ABCC4: variants seen among roughly 807,000 people sequenced by gnomAD.
The protein encoded by ABCC4 is ATP binding cassette subfamily C member 4 (PEL blood group).
ABCC4 carries 102 observed loss-of-function variants against 168.5 expected under a neutral mutation model. The observed-to-expected ratio is 0.61, with a 90% confidence interval of 0.52 to 0.71. ABCC4 has a LOEUF of 0.71. ABCC4 is among the 30% of genes least tolerant of loss of function. The pLI is 0.00. For missense variants in ABCC4, 1,402 were observed against 1,605.8 expected, an observed-to-expected ratio of 0.87 and a Z score of 2.17; for synonymous variants, 617 against 590.7, an observed-to-expected ratio of 1.04 and a Z score of -0.65.
chr13:95,120,978 T>C (rs2035551460), intron 19 of ABCC4, among the ~76,000 whole-genome samples: 1 of 152,214 alleles, frequency 6.6e-6, no homozygotes, highest in African/African-American at 2.4e-5. Flanking sequence ...CTGGACATCC[T>C]GTATCACTCA....
chr13:95,206,859 T>C (rs1020591290), intron 7 of ABCC4, 78 bp from the exon 8 acceptor site: 6 of 1,502,584 alleles, frequency 4.0e-6, no homozygotes, highest in African/African-American at 2.8e-5. Context: ...TCTCAGCACT[T>C]TGGGAGCTGA....
chr13:95,232,674 C>T (rs568405413), intron 4 of ABCC4, among the ~76,000 whole-genome samples: 1 of 126,942 alleles, frequency 7.9e-6, no homozygotes, highest in African/African-American at 3.4e-5. Flanking sequence ...AAGACTTCAT[C>T]TCAAAAAAAA....
At chr13:95,108,018 A>C (rs756749837) in intron 20 of ABCC4, among the ~76,000 whole-genome samples, 46 of 152,126 alleles carry the variant, frequency 3.0e-4, no homozygotes, top group Non-Finnish European at 4.9e-4. Context: ...AAAAACAGTC[A>C]CAGTTTCTCT....
At chr13:95,179,639 CAGATCCTA>C (rs1241357674) in intron 11 of ABCC4, among the ~76,000 whole-genome samples, 5 of 152,204 alleles carry the variant, frequency 3.3e-5, no homozygotes, top group African/African-American at 1.2e-4. Context: ...TATCACTAGA[CAGATCCTA>C]GCATAGACAA....
chr13:95,244,468 T>C (rs2040031462), intron 3 of ABCC4, among the ~76,000 whole-genome samples: 1 of 150,638 alleles, frequency 6.6e-6, no homozygotes, highest in South Asian at 2.1e-4. Context: ...CCTGTGGTCC[T>C]AGCTACTTGG....
chr13:95,054,190 C>A (rs946486698), intron 26 of ABCC4, among the ~76,000 whole-genome samples: 1 of 151,928 alleles, frequency 6.6e-6, no homozygotes, highest in East Asian at 1.9e-4. Context: ...GGTCACAGAA[C>A]CTCATTATTA....
intron 4 of ABCC4, among the ~76,000 whole-genome samples, chr13:95,215,486 T>C (rs549794495): frequency 6.6e-6 from 1 of 152,304 alleles, no homozygotes; most frequent in Admixed American, 6.5e-5. Context: ...ATGGTGCATT[T>C]TGGAGACAGA....
intron 3 of ABCC4, among the ~76,000 whole-genome samples, chr13:95,240,327 T>A (rs1264523631): frequency 1.3e-5 from 2 of 152,018 alleles, no homozygotes; most frequent in Non-Finnish European, 2.9e-5. Flanking sequence ...AGGTCAGGAG[T>A]TCGAGACCAG....
chr13:95,043,408 T>A (rs1213230158), intron 29 of ABCC4: 4 of 382,592 alleles, frequency 1.0e-5, no homozygotes, highest in Admixed American at 4.0e-5. Context: ...GTATGACAGT[T>A]AGCATCACAA....
intron 27 of ABCC4, among the ~76,000 whole-genome samples, chr13:95,052,427 A>T (rs1376382184): frequency 6.6e-6 from 1 of 152,252 alleles, no homozygotes; most frequent in African/African-American, 2.4e-5. Flanking sequence ...AAATACACAA[A>T]CCAACAGCAC....
chr13:95,031,524 G>A (rs1483431431), intron 30 of ABCC4, among the ~76,000 whole-genome samples: 1 of 152,168 alleles, frequency 6.6e-6, no homozygotes, highest in African/African-American at 2.4e-5. Flanking sequence ...AGACTGCTGT[G>A]AGGATTAAGT....
intron 1 of ABCC4, among the ~76,000 whole-genome samples, chr13:95,287,415 C>T (rs1449027310): frequency 5.3e-5 from 8 of 151,906 alleles, no homozygotes; most frequent in Non-Finnish European, 8.8e-5. Flanking sequence ...GGTGAAACCC[C>T]GTCTCTACTA....
intron 8 of ABCC4, among the ~76,000 whole-genome samples, chr13:95,196,647 A>AG (rs1441567422): frequency 2.0e-3 from 53 of 26,770 alleles, no homozygotes; most frequent in South Asian, 2.9e-3. Flanking sequence ...GAAGGAAGGA[A>AG]GGAAGGAAGG....
intron 1 of ABCC4, among the ~76,000 whole-genome samples, chr13:95,281,301 A>C (rs960009448): frequency 5.3e-4 from 2 of 3,752 alleles, no homozygotes; most frequent in African/African-American, 1.8e-3. Context: ...GACTCTCTCA[A>C]AAAAAAAAAA....
chr13:95,023,624 T>C (rs2031221092), intron 30 of ABCC4, among the ~76,000 whole-genome samples: 1 of 152,216 alleles, frequency 6.6e-6, no homozygotes, highest in Non-Finnish European at 1.5e-5. Context: ...AACTGATTAA[T>C]GGCTACAAAC....
intron 4 of ABCC4, among the ~76,000 whole-genome samples, chr13:95,215,149 G>A (rs1433138899): frequency 5.9e-5 from 9 of 152,182 alleles, no homozygotes; most frequent in Middle Eastern, 3.2e-3. Context: ...GGCTGGGCAT[G>A]ATAGCTCATG....
chr13:95,061,828 C>T (rs140599823), intron 26 of ABCC4, among the ~76,000 whole-genome samples: 221 of 152,232 alleles, frequency 1.5e-3, no homozygotes, highest in Non-Finnish European at 2.5e-3. Flanking sequence ...CCGGTGGGGA[C>T]AAGGTCTATG....
intron 4 of ABCC4, among the ~76,000 whole-genome samples, chr13:95,222,456 T>C (rs1177763308): frequency 6.6e-6 from 1 of 152,182 alleles, no homozygotes; most frequent in African/African-American, 2.4e-5. Context: ...GAGCTTGGGT[T>C]AGTTAAAGCC....
chr13:95,182,498 A>T (rs1331344883), intron 11 of ABCC4, among the ~76,000 whole-genome samples: 1 of 152,204 alleles, frequency 6.6e-6, no homozygotes, highest in African/African-American at 2.4e-5. Flanking sequence ...ATAAATATCA[A>T]TTCAAATAAT....
Sources: gnomAD v4.1 joint callset for allele counts (sites outside exome capture counted in the v4.1 genomes callset) on GRCh38, gnomAD v4.1.1 for gene constraint, MANE v1.5 for transcripts, NCBI Gene and HGNC (gene_info 2026-07-23, HGNC 2026-07-21) for gene names.